Variants in CDH18 observed in about 807,000 individuals in gnomAD.
CDH18 encodes the protein cadherin-18.
In CDH18, 31 loss-of-function variants were observed where a neutral mutation model predicts 67.9. The ratio of observed to expected loss-of-function variants is 0.46; its 90% CI spans 0.34 to 0.62. The LOEUF (loss-of-function observed/expected upper bound fraction) is 0.62, where lower values mean the gene tolerates loss of function less well. Ranked by LOEUF, CDH18 falls within the 20% of genes least tolerant of loss-of-function variation. The pLI, the probability that CDH18 is intolerant of heterozygous loss-of-function variation, is 0.01. For synonymous variants in CDH18, 362 were observed against 347.2 expected (o/e 1.04, Z -0.48); for missense variants, 890 against 975.5 (o/e 0.91, Z 1.17).
At chr5:20,572,977 T>C (rs1390746387) in intron 1 of CDH18, among the ~76,000 whole-genome samples, 3 of 152,134 alleles carry the variant, frequency 2.0e-5, no homozygotes, top group Non-Finnish European at 4.4e-5. Flanking sequence ...CTCAATTATG[T>C]TTGCAGAGAA....
At chr5:20,391,957 A>G (rs1162192297) in intron 1 of CDH18, among the ~76,000 whole-genome samples, 1 of 152,008 alleles carries the variant, frequency 6.6e-6, no homozygotes, top group Non-Finnish European at 1.5e-5. Flanking sequence ...TAAACAGCCA[A>G]AATATACTTA....
At position 19,875,757 on chromosome 5, in the gene CDH18, T is replaced by G. The variant is rs114144762; in HGVS notation, c.-256-36515A>C. Among the ~76,000 whole-genome samples, 502 of 152,180 alleles carry G rather than the reference T, an allele frequency of 3.3e-3. 2 individuals are homozygous for G. Among genetic ancestry groups the G allele is most frequent in the African/African-American group, 0.011 (478 of 41,572 alleles). On this transcript the variant is annotated intron_variant, in intron 2 of 12. Transcript: ENST00000382275. ...TTTTTATCAGTGTTTTATTCATAATTACATTTCAATTCTTTGTATTTTTAA... is the reference window on the plus strand; with the variant it reads ...TTTTTATCAGTGTTTTATTCATAATGACATTTCAATTCTTTGTATTTTTAA...
At chr5:20,191,700 T>C (rs1457575002) in intron 2 of CDH18, among the ~76,000 whole-genome samples, 1 of 152,162 alleles carries the variant, frequency 6.6e-6, no homozygotes, top group Admixed American at 6.6e-5. Context: ...CATTCATTTT[T>C]ACTGTGCATA....
At chr5:20,512,394 ATTGAGT>A in intron 1 of CDH18, among the ~76,000 whole-genome samples, 1 of 152,092 alleles carries the variant, frequency 6.6e-6, no homozygotes, top group South Asian at 2.1e-4. Flanking sequence ...TATGTTCATG[ATTGAGT>A]TTGACATGAT....
intron 5 of CDH18, among the ~76,000 whole-genome samples, chr5:19,690,907 C>A (rs1032869543): frequency 1.3e-5 from 2 of 151,802 alleles, no homozygotes; most frequent in Non-Finnish European, 1.5e-5. Context: ...GTAGAGAATT[C>A]TTCCTAACAC....
At position 20,412,046 on chromosome 5, in the gene CDH18, A is replaced by G. The variant is rs561688172; in HGVS notation, c.-579-156541T>C. ...TAGAAAAAGCAATCCTAAAATTAAT[A>G]TGGTATCAAAAAACAGCCTCAATAG... On this transcript the variant is annotated intron_variant, in intron 1 of 14. Coordinates refer to the CDH18 transcript ENST00000507958. Among the ~76,000 whole-genome samples, 41 of 152,308 alleles carry G rather than the reference A, an allele frequency of 2.7e-4. 1 individual carries two copies. The South Asian group carries it at 8.1e-3, about 30-fold the overall frequency.
chr5:19,483,024 G>A (rs893381241), intron 12 of CDH18, among the ~76,000 whole-genome samples: 15 of 151,894 alleles, frequency 9.9e-5, no homozygotes, highest in African/African-American at 3.6e-4. Context: ...TTCACGGTGG[G>A]ATTCTGAATA....
intron 3 of CDH18, among the ~76,000 whole-genome samples, chr5:19,820,724 A>G (rs1779786688): frequency 6.6e-6 from 1 of 152,318 alleles, no homozygotes; most frequent in East Asian, 1.9e-4. Context: ...GGAGTTGGTG[A>G]GGGTCTCATC....
chr5:20,048,357 GA>G (rs569177384), intron 2 of CDH18, among the ~76,000 whole-genome samples: 2 of 150,406 alleles, frequency 1.3e-5, no homozygotes, highest in Admixed American at 1.3e-4. Context: ...TCTAGTTTTT[GA>G]AAAAAAATAT....
intron 2 of CDH18, among the ~76,000 whole-genome samples, chr5:20,208,318 C>A (rs556011311): frequency 1.8e-4 from 27 of 152,206 alleles, no homozygotes; most frequent in African/African-American, 6.5e-4. Context: ...GGGAAACTGC[C>A]CCCTTGATTC....
intron 2 of CDH18, among the ~76,000 whole-genome samples, chr5:20,070,120 A>G (rs1580170541): frequency 6.6e-6 from 1 of 152,284 alleles, no homozygotes; most frequent in South Asian, 2.1e-4. Flanking sequence ...TACTGTATCC[A>G]TAGTTTTGCC....
intron 2 of CDH18, among the ~76,000 whole-genome samples, chr5:20,040,414 T>C (rs1050944266): frequency 6.6e-6 from 1 of 152,084 alleles, no homozygotes; most frequent in African/African-American, 2.4e-5. Context: ...AGTGAACAAC[T>C]AAAATACTGT....
chr5:19,614,332 T>C (rs1424184341), intron 5 of CDH18, among the ~76,000 whole-genome samples: 3 of 151,206 alleles, frequency 2.0e-5, no homozygotes, highest in African/African-American at 7.3e-5. Context: ...TTCAGAAAAA[T>C]TTTCCTGAAG....
intron 2 of CDH18, among the ~76,000 whole-genome samples, chr5:20,158,349 T>A (rs1751719286): frequency 6.6e-6 from 1 of 152,160 alleles, no homozygotes; most frequent in Admixed American, 6.5e-5. Context: ...CAAGGCATAT[T>A]ATGGAAGTAA....
chr5:19,598,192 C>T (rs899183204), intron 6 of CDH18, among the ~76,000 whole-genome samples: 1 of 152,100 alleles, frequency 6.6e-6, no homozygotes, highest in African/African-American at 2.4e-5. Flanking sequence ...TTATCTTTCA[C>T]TTTTTTCTTA....
intron 11 of CDH18, among the ~76,000 whole-genome samples, chr5:19,485,130 A>T (rs1740158302): frequency 6.6e-6 from 1 of 152,176 alleles, no homozygotes; most frequent in Non-Finnish European, 1.5e-5. Context: ...AACACAAGAA[A>T]ATATGCACAT....
intron 12 of CDH18, among the ~76,000 whole-genome samples, chr5:19,474,125 G>A (rs991050087): frequency 3.9e-5 from 6 of 152,022 alleles, no homozygotes; most frequent in East Asian, 1.9e-4. Context: ...ATCCTTCTAG[G>A]TAGATACACT....
intron 3 of CDH18, among the ~76,000 whole-genome samples, chr5:19,754,665 A>G (rs1398580084): frequency 2.0e-5 from 3 of 152,196 alleles, no homozygotes; most frequent in African/African-American, 7.2e-5. Flanking sequence ...AAATGGACTT[A>G]ACAGATAAAT....
Position 20,365,210 on chromosome 5 carries a change from T to C in CDH18, c.-579-109705A>G, listed in dbSNP as rs966589935. Among the ~76,000 whole-genome samples the C allele has an allele frequency of 2.0e-5, 3 of 152,242 alleles. 1 individual carries two copies. Among genetic ancestry groups the C allele is most frequent in the Non-Finnish European group, 4.4e-5 (3 of 68,006 alleles). The stretch of plus-strand genomic sequence containing the variant: ...GCTTGTAGATGGCTGCCTGGCTGTG[T>C]GCTGTGTGTTCCCATGGCACAGGGA... On this transcript the variant is annotated intron_variant, in intron 1 of 14. Transcript: ENST00000507958.
Sources: allele counts gnomAD v4.1 joint callset (sites outside exome capture counted in the v4.1 genomes callset), GRCh38; gene constraint gnomAD v4.1.1; transcripts MANE v1.5; gene names NCBI Gene and HGNC (gene_info 2026-07-23, HGNC 2026-07-21).